DRC8: variants seen among roughly 807,000 people sequenced by gnomAD.
DRC8 encodes dynein regulatory complex protein 8.
the DRC8 span, among the ~76,000 whole-genome samples, chr1:245,020,021 T>TG: frequency 1.3e-5 from 2 of 151,830 alleles, no homozygotes; most frequent in Non-Finnish European, 2.9e-5. Flanking sequence ...AATGGCTCAG[T>TG]GGGGGCAGGA....
chr1:245,007,546 A>G, the DRC8 span, among the ~76,000 whole-genome samples: 103 of 152,312 alleles, frequency 6.8e-4, no homozygotes, highest in Middle Eastern at 3.4e-3. Context: ...TCTGCAATTG[A>G]CTTAGAGACA....
the DRC8 span, among the ~76,000 whole-genome samples, chr1:244,985,076 G>GTTTTGTTT: frequency 2.3e-5 from 3 of 130,798 alleles, no homozygotes; most frequent in African/African-American, 9.3e-5. Flanking sequence ...TGTCTCCAGG[G>GTTTTGTTT]TTTTTTTTTT....
chr1:245,089,376 T>C, the DRC8 span, among the ~76,000 whole-genome samples: 1 of 151,616 alleles, frequency 6.6e-6, no homozygotes, highest in South Asian at 2.1e-4. This position sits in a 1 kb window ranked among gnomAD's most constrained non-coding sequence, Gnocchi z 4.8. Flanking sequence ...GAGAAGACAG[T>C]CTAGAACAAA....
At chr1:245,111,419 A>T in the DRC8 span, among the ~76,000 whole-genome samples, 1 of 152,216 alleles carries the variant, frequency 6.6e-6, no homozygotes, top group Non-Finnish European at 1.5e-5. Flanking sequence ...TTCCAAAGTC[A>T]TTTGCAGAAT....
chr1:245,091,895 C>T, the DRC8 span: 1 of 152,266 alleles, frequency 6.6e-6, no homozygotes, highest in East Asian at 1.9e-4. Flanking sequence ...TGCCATTTCC[C>T]GACTAGGAGA....
the DRC8 span, among the ~76,000 whole-genome samples, chr1:245,063,407 C>T: frequency 6.6e-5 from 10 of 152,178 alleles, no homozygotes; most frequent in Non-Finnish European, 1.5e-4. Flanking sequence ...TCCCCTAGCT[C>T]CTAGTTCAGG....
chr1:245,021,902 T>G, the DRC8 span, among the ~76,000 whole-genome samples: 1 of 152,204 alleles, frequency 6.6e-6, no homozygotes, highest in Non-Finnish European at 1.5e-5. Context: ...CTTGAAACCC[T>G]GAGCTCAAGC....
chr1:245,117,416 TA>T, the DRC8 span, among the ~76,000 whole-genome samples: 1 of 151,988 alleles, frequency 6.6e-6, no homozygotes, highest in Non-Finnish European at 1.5e-5. Flanking sequence ...ATTTTTATTT[TA>T]ATTTTATTTT....
chr1:245,034,936 C>T, the DRC8 span, among the ~76,000 whole-genome samples: 3 of 149,130 alleles, frequency 2.0e-5, no homozygotes. Flanking sequence ...AGGACAAATG[C>T]AAGATAACTT....
the DRC8 span, among the ~76,000 whole-genome samples, chr1:245,027,324 G>A: frequency 6.6e-6 from 1 of 152,082 alleles, no homozygotes; most frequent in African/African-American, 2.4e-5. Context: ...TGGATAGAAG[G>A]GTGGGAAATT....
the DRC8 span, among the ~76,000 whole-genome samples, chr1:244,976,169 T>C: frequency 2.0e-5 from 3 of 152,074 alleles, no homozygotes; most frequent in Non-Finnish European, 2.9e-5. Flanking sequence ...CTCTAGAGGT[T>C]GAGGCAGGAG....
chr1:245,044,929 A>C, the DRC8 span, among the ~76,000 whole-genome samples: 19 of 150,848 alleles, frequency 1.3e-4, no homozygotes, highest in African/African-American at 4.7e-4. Context: ...TAGTTTTTTG[A>C]AAAGATAACT....
the DRC8 span, among the ~76,000 whole-genome samples, chr1:244,988,177 A>G: frequency 6.6e-6 from 1 of 152,130 alleles, no homozygotes; most frequent in Non-Finnish European, 1.5e-5. Context: ...AAAGGGAACT[A>G]TTTAATTTAT....
chr1:245,074,357 T>TA, the DRC8 span, among the ~76,000 whole-genome samples: 1 of 152,152 alleles, frequency 6.6e-6, no homozygotes, highest in Non-Finnish European at 1.5e-5. Context: ...CTCTATCAAA[T>TA]ACAATAAAAC....
the DRC8 span, among the ~76,000 whole-genome samples, chr1:245,108,421 C>T: frequency 5.3e-5 from 8 of 152,184 alleles, no homozygotes; most frequent in Non-Finnish European, 8.8e-5. Context: ...ACATTGTTTC[C>T]GGGTTATCCC....
chr1:245,043,036 A>G, the DRC8 span, among the ~76,000 whole-genome samples: 1 of 152,202 alleles, frequency 6.6e-6, no homozygotes, highest in East Asian at 1.9e-4. Flanking sequence ...TACTATATAT[A>G]TAGCACAGGT....
the DRC8 span, among the ~76,000 whole-genome samples, chr1:245,072,433 T>C: frequency 3.3e-5 from 5 of 152,180 alleles, no homozygotes; most frequent in Non-Finnish European, 2.9e-5. Context: ...AGATGAGGTT[T>C]CGCCATGTTG....
chr1:244,978,269 G>A, the DRC8 span, among the ~76,000 whole-genome samples: 1 of 152,120 alleles, frequency 6.6e-6, no homozygotes, highest in African/African-American at 2.4e-5. Context: ...TGAGGCTGGC[G>A]GATCGCCTGA....
the DRC8 span, among the ~76,000 whole-genome samples, chr1:245,037,514 TCTTA>T: frequency 2.6e-5 from 4 of 152,182 alleles, no homozygotes; most frequent in African/African-American, 9.6e-5. Flanking sequence ...AAATCTAGTT[TCTTA>T]CTTAATAAAG....
Sources: gnomAD v4.1 joint callset for allele counts (sites outside exome capture counted in the v4.1 genomes callset) on GRCh38, gnomAD v4.1.1 for gene constraint, Gnocchi (gnomAD v3.1) non-coding constraint, MANE v1.5 for transcripts, NCBI Gene and HGNC (gene_info 2026-07-23, HGNC 2026-07-21) for gene names.